The following MORF4L1 variants were observed in gnomAD, a reference collection of about 807,000 sequenced individuals.
MORF4L1 encodes the protein mortality factor 4-like protein 1.
A neutral mutation model predicts 52.9 loss-of-function variants in MORF4L1; 4 were observed. The ratio of observed to expected loss-of-function variants is 0.08; its 90% CI spans 0.04 to 0.17. MORF4L1 has a LOEUF of 0.17. MORF4L1 is among the 10% of genes least tolerant of loss of function. MORF4L1 has a pLI of 1.00. For synonymous variants in MORF4L1, 123 were observed against 134.8 expected (o/e 0.91, Z 0.61); for missense variants, 214 against 390.4 (o/e 0.55, Z 3.81).
intron 7 of MORF4L1, among the ~76,000 whole-genome samples, 190 bp from the exon 8 acceptor site, chr15:78,892,022 T>G (rs1037305185): frequency 6.6e-6 from 1 of 152,170 alleles, no homozygotes; most frequent in Non-Finnish European, 1.5e-5. Flanking sequence ...ATAGTTCAGG[T>G]CAGATTCTTT....
chr15:78,887,153 T>C (rs2056720493), intron 4 of MORF4L1, 116 bp from the exon 5 acceptor site: 2 of 807,298 alleles, frequency 2.5e-6, no homozygotes, highest in Non-Finnish European at 4.1e-6. Context: ...TCTGTCCAAC[T>C]TGTTAAAAAC....
chr15:78,879,491 A>T (rs113083054), intron 2 of MORF4L1, among the ~76,000 whole-genome samples: 1 of 152,062 alleles, frequency 6.6e-6, no homozygotes, highest in African/African-American at 2.4e-5. Context: ...AAGTGTTGGG[A>T]TTAGAGGTGT....
At chr15:78,896,077 C>T (rs1258403068) in intron 11 of MORF4L1, among the ~76,000 whole-genome samples, 10 of 152,046 alleles carry the variant, frequency 6.6e-5, no homozygotes. Flanking sequence ...CTCTTGGGTT[C>T]AAACGATTCT....
intron 10 of MORF4L1, 168 bp downstream of exon 10, chr15:78,894,398 C>T (rs544244486): frequency 8.8e-5 from 45 of 513,666 alleles, no homozygotes; most frequent in African/African-American, 8.8e-4. Flanking sequence ...TTTTAAAAAT[C>T]GTGTATTTTA....
chr15:78,887,627 C>G (rs895024836), intron 5 of MORF4L1, among the ~76,000 whole-genome samples: 7 of 152,192 alleles, frequency 4.6e-5, no homozygotes, highest in African/African-American at 9.7e-5. Flanking sequence ...TTTGAGATAA[C>G]TTTTGGCAAG....
intron 1 of MORF4L1, chr15:78,876,492 A>G (rs1336703074): frequency 2.2e-6 from 1 of 455,118 alleles, no homozygotes; most frequent in Middle Eastern, 3.3e-4. Context: ...TTTTTTCAAC[A>G]AAATACTAGG....
intron 3 of MORF4L1, among the ~76,000 whole-genome samples, chr15:78,882,827 CT>C (rs1301052937): frequency 3.1e-4 from 1 of 3,182 alleles, no homozygotes; most frequent in Non-Finnish European, 6.8e-3. Flanking sequence ...GTTTTAGCTT[CT>C]TAGGGAGGCT....
chr15:78,896,782 GTA>G (rs1473505667), intron 11 of MORF4L1, among the ~76,000 whole-genome samples, 199 bp from the exon 12 acceptor site: 5 of 152,156 alleles, frequency 3.3e-5, no homozygotes, highest in African/African-American at 1.2e-4. Context: ...TCATTCCTTT[GTA>G]TATGTATAGT....
At chr15:78,877,412 G>A (rs2056515960) in intron 1 of MORF4L1, among the ~76,000 whole-genome samples, 1 of 152,062 alleles carries the variant, frequency 6.6e-6, no homozygotes, top group East Asian at 1.9e-4. Flanking sequence ...GAGCCACCTC[G>A]CCCCGCCTGC....
Position 78,890,995 on chromosome 15 carries a change from GA to G in MORF4L1, c.335del (p.Lys112ArgfsTer29). On this transcript the variant is annotated frameshift_variant, in exon 6 of 12. Coordinates refer to ENST00000426013, the MANE Select transcript of MORF4L1 (RefSeq NM_006791.4). LOFTEE classifies it high-confidence loss of function. ...LQQKNVEVKT[K>X]KNKQKTPGNG... Reference sequence around the variant, plus strand: ...TTTTTTTCTCTCCTTTTAGGAAAACGAAAAAGAACAAACAGAAAAGTAAGAA... The same window carrying G: ...TTTTTTTCTCTCCTTTTAGGAAAACGAAAAGAACAAACAGAAAAGTAAGAA... The G allele has an allele frequency of 1.4e-6, 2 of 1,455,600 alleles. No homozygotes were observed. Among genetic ancestry groups the G allele is most frequent in the South Asian group, 1.3e-5 (1 of 79,614 alleles). The allele number at this position is 1,455,600 out of a possible 1,614,324, so 90.2% of individuals were successfully genotyped here.
At position 78,894,822 on chromosome 15, in the gene MORF4L1, C is replaced by T. The variant is rs2056859811; in HGVS notation, c.805C>T (p.Arg269Ter). 1 of 1,610,948 alleles carries T rather than the reference C, an allele frequency of 6.2e-7. No homozygotes were observed. ...GAPHLLRLFVRIGAMLAYTPL... is the reference protein window; with the variant it reads ...GAPHLLRLFV ...GATAAATTCTCTTGTTTAAACAGTA[C>T]GAATTGGAGCAATGTTGGCTTATAC... The change falls in exon 11 of 12, where the codon CGA becomes TGA. Residue 269 changes from arginine to a stop codon, truncating the protein, a stop_gained and splice_region_variant. Coordinates refer to ENST00000426013, the MANE Select transcript of MORF4L1 (RefSeq NM_006791.4). LOFTEE classifies it high-confidence loss of function.
chr15:78,888,897 T>C (rs929027650), intron 5 of MORF4L1, among the ~76,000 whole-genome samples: 3 of 152,240 alleles, frequency 2.0e-5, no homozygotes, highest in African/African-American at 7.2e-5. Flanking sequence ...TTTCATGATC[T>C]GGTTCTTTGG....
Position 78,897,075 on chromosome 15 carries a change from T to C in MORF4L1, c.*8T>C, listed in dbSNP as rs370076535. On this transcript the variant is annotated 3_prime_UTR_variant, in exon 12 of 12. Transcript: ENST00000426013. Reference sequence around the variant, plus strand: ...CATCGGAAAGCTGTGTGAGAGGCACTCTCACTCACTTATGTTTGGATCTCC... The same window carrying C: ...CATCGGAAAGCTGTGTGAGAGGCACCCTCACTCACTTATGTTTGGATCTCC... The C allele has an allele frequency of 6.2e-7, 1 of 1,602,442 alleles. No homozygotes were observed. Among genetic ancestry groups the C allele is most frequent in the African/African-American group, 1.3e-5 (1 of 74,776 alleles).
At chr15:78,894,674 C>T (rs2056856111) in intron 10 of MORF4L1, 146 bp from the exon 11 acceptor site, 5 of 648,646 alleles carry the variant, frequency 7.7e-6, no homozygotes, top group East Asian at 5.5e-5. Context: ...TCCCAAAGTG[C>T]TGGGATTACA....
At chr15:78,892,086 A>T in intron 7 of MORF4L1, 126 bp from the exon 8 acceptor site, 13 of 538,726 alleles carry the variant, frequency 2.4e-5, no homozygotes, top group Admixed American at 3.5e-5. Context: ...TTAAAAAATG[A>T]CAGTACAGCT....
chr15:78,889,738 A>G (rs930609856), intron 5 of MORF4L1, among the ~76,000 whole-genome samples: 1 of 152,212 alleles, frequency 6.6e-6, no homozygotes, highest in African/African-American at 2.4e-5. Flanking sequence ...ATATCCAAAC[A>G]TAAGTTAATT....
intron 6 of MORF4L1, 131 bp downstream of exon 6, chr15:78,891,145 T>A (rs767946521): frequency 7.1e-6 from 8 of 1,132,706 alleles, no homozygotes; most frequent in Admixed American, 7.0e-5. Context: ...CTCACAGCAG[T>A]GTTATAAAAT....
At position 78,896,581 on chromosome 15, in the gene MORF4L1, T is replaced by G. The variant is rs904110837; in HGVS notation, c.888-402T>G. Among the ~76,000 whole-genome samples the G allele has an allele frequency of 2.0e-5, 3 of 152,266 alleles. No homozygotes were observed. The East Asian group carries it at 5.8e-4, about 29-fold the overall frequency. ...CCTTGGCCTCCCAAAGTGCTGGGAT[T>G]ACAGGCATGAGCCACCACTCCCGGC... is the stretch of plus-strand genomic sequence containing the variant. On this transcript the variant is annotated intron_variant, in intron 11 of 11. Transcript: ENST00000426013.
chr15:78,896,901 C>A, intron 11 of MORF4L1, 82 bp from the exon 12 acceptor site: 1 of 1,043,004 alleles, frequency 9.6e-7, no homozygotes, highest in East Asian at 2.7e-5. Context: ...TTTTCTGTGG[C>A]TTATGTATAT....
Sources: allele counts gnomAD v4.1 joint callset (sites outside exome capture counted in the v4.1 genomes callset), GRCh38; gene constraint gnomAD v4.1.1; transcripts MANE v1.5; gene names NCBI Gene and HGNC (gene_info 2026-07-23, HGNC 2026-07-21).